ARMC3: variants seen among roughly 807,000 people sequenced by gnomAD.
ARMC3 encodes the protein armadillo repeat containing 3.
ARMC3 carries 74 observed loss-of-function variants against 90.3 expected under a neutral mutation model. That is an observed-to-expected ratio of 0.82 (90% CI 0.68 to 0.99). The LOEUF is 0.99. ARMC3 is among the 50% of genes least tolerant of loss of function. The probability of loss-of-function intolerance (pLI) is 0.00; values close to 1 mark genes in which losing one functional copy is unlikely to be tolerated. For missense variants in ARMC3, 958 were observed against 1,042.8 expected (o/e 0.92, Z 1.12); for synonymous variants, 334 against 361.8 (o/e 0.92, Z 0.87).
chr10:22,950,510 T>G (rs894425483), intron 3 of ARMC3, among the ~76,000 whole-genome samples: 2 of 150,808 alleles, frequency 1.3e-5, no homozygotes, highest in African/African-American at 4.9e-5. Context: ...ATGAAAGAAA[T>G]AAAATGGAAT....
chr10:22,990,494 A>G (rs975186724), intron 10 of ARMC3, among the ~76,000 whole-genome samples: 4 of 152,208 alleles, frequency 2.6e-5, no homozygotes, highest in Non-Finnish European at 5.9e-5. Context: ...GAATGTTAAG[A>G]GGATGATGAT....
At chr10:23,015,482 A>G (rs532731647) in intron 16 of ARMC3, among the ~76,000 whole-genome samples, 1 of 152,290 alleles carries the variant, frequency 6.6e-6, no homozygotes, top group South Asian at 2.1e-4. Context: ...TTCTGTCTAC[A>G]CTGTTCTTTT....
chr10:23,002,261 G>GA lies in ARMC3; in HGVS notation c.1562+212dup, dbSNP rs551714618. ...GATTCACCGCTCCCTCACTGCCCTT[G>GA]AAAAAATCACCTTCAGTATTTTCTT... On this transcript the variant is annotated intron_variant, in intron 12 of 18. Transcript: ENST00000298032. Among the ~76,000 whole-genome samples, 381 of 152,260 alleles carry GA rather than the reference G, an allele frequency of 2.5e-3. 1 individual carries two copies. The highest frequency in any genetic ancestry group is 8.9e-3 in the African/African-American group (368 of 41,560).
intron 7 of ARMC3, among the ~76,000 whole-genome samples, chr10:22,962,835 G>A (rs574666904): frequency 1.3e-5 from 2 of 152,236 alleles, no homozygotes; most frequent in Admixed American, 1.3e-4. Context: ...ACAACACTGG[G>A]AAAATGAAGT....
chr10:23,023,721 G>T (rs1231455459), intron 16 of ARMC3, among the ~76,000 whole-genome samples: 2 of 151,946 alleles, frequency 1.3e-5, no homozygotes, highest in African/African-American at 2.4e-5. Flanking sequence ...TCACTGGAAG[G>T]ATACAATAAT....
rs139999984 is a variant in ARMC3, at chr10:23,008,278, C to T, written c.1832C>T (p.Ser611Phe). ...ATTTTAAATGTGTAAAATTTTAGTT[C>T]TCCACCTTCATCTATGGAAGATAAA... Reference protein sequence around the residue: ...VLLINSKSYVSPPSSMEDKSD... With the variant: ...VLLINSKSYVFPPSSMEDKSD... The change falls in exon 15 of 19, where the codon TCT (serine) becomes TTT (phenylalanine). Residue 611 changes from serine to phenylalanine, a missense_variant and splice_region_variant. Coordinates refer to ENST00000298032, the MANE Select transcript of ARMC3 (RefSeq NM_173081.5). 12 of 1,487,156 alleles carry T rather than the reference C, an allele frequency of 8.1e-6. No homozygotes were observed. Among genetic ancestry groups the T allele is most frequent in the Non-Finnish European group, 1.1e-5 (12 of 1,095,230 alleles). 92.1% of individuals were successfully genotyped at this position (1,487,156 alleles called of 1,614,324 possible).
chr10:22,985,415 T>C (rs1211967257), intron 10 of ARMC3, among the ~76,000 whole-genome samples: 1 of 152,164 alleles, frequency 6.6e-6, no homozygotes, highest in Admixed American at 6.5e-5. Context: ...TTCTGAGAGC[T>C]GTCAGTTTTT....
intron 18 of ARMC3, among the ~76,000 whole-genome samples, chr10:23,036,304 T>G (rs1404896944): frequency 6.6e-6 from 1 of 152,192 alleles, no homozygotes; most frequent in Non-Finnish European, 1.5e-5. Context: ...TAACCATGTC[T>G]TAATCATCAT....
chr10:22,988,494 G>T lies in ARMC3; in HGVS notation c.1175+6794G>T, dbSNP rs1836560598. Reference sequence around the variant, plus strand: ...AATTTCTCTCCCATTCAGTAAAGTTGGTGGGAAGATAATGTATTGTGTATT... The same window carrying T: ...AATTTCTCTCCCATTCAGTAAAGTTTGTGGGAAGATAATGTATTGTGTATT... On this transcript the variant is annotated intron_variant, in intron 10 of 18. Coordinates refer to ENST00000298032, the MANE Select transcript of ARMC3 (RefSeq NM_173081.5). 2.6e-5 allele frequency among the ~76,000 whole-genome samples: 4 copies of T among 152,098 alleles called. No homozygotes were observed. In the South Asian group the frequency reaches 8.3e-4, roughly 31 times the overall value.
chr10:23,017,492 T>C (rs1009967986), intron 16 of ARMC3, among the ~76,000 whole-genome samples: 2 of 152,182 alleles, frequency 1.3e-5, no homozygotes, highest in African/African-American at 4.8e-5. Context: ...TGACCGGGCA[T>C]GGTGGCTCAC....
intron 12 of ARMC3, among the ~76,000 whole-genome samples, chr10:23,002,999 A>C (rs560344220): frequency 6.6e-6 from 1 of 152,362 alleles, no homozygotes; most frequent in African/African-American, 2.4e-5. Flanking sequence ...TAGATGAACA[A>C]AGAACTTTTT....
chr10:22,973,296 A>ATAG (rs1403147632), intron 8 of ARMC3, among the ~76,000 whole-genome samples: 1 of 79,440 alleles, frequency 1.3e-5, no homozygotes, highest in Non-Finnish European at 2.4e-5. Context: ...AAGACCCTTA[A>ATAG]TAATAATAAT....
chr10:23,018,349 T>C (rs1184019914), intron 16 of ARMC3, among the ~76,000 whole-genome samples: 1 of 151,974 alleles, frequency 6.6e-6, no homozygotes, highest in African/African-American at 2.4e-5. Flanking sequence ...GAAACTTAGG[T>C]TCTCATTTCG....
intron 2 of ARMC3, among the ~76,000 whole-genome samples, chr10:22,945,442 A>G (rs1406347062): frequency 1.3e-5 from 2 of 152,222 alleles, no homozygotes; most frequent in Non-Finnish European, 2.9e-5. Context: ...TCAATTATGC[A>G]TTTCAATAAC....
chr10:22,958,342 T>C (rs1835039498), intron 4 of ARMC3, among the ~76,000 whole-genome samples: 1 of 152,180 alleles, frequency 6.6e-6, no homozygotes, highest in Non-Finnish European at 1.5e-5. Context: ...TCAAGATGTA[T>C]TAATTAAAAT....
chr10:23,006,080 G>A (rs1344331639), intron 13 of ARMC3, among the ~76,000 whole-genome samples: 1 of 152,132 alleles, frequency 6.6e-6, no homozygotes, highest in East Asian at 1.9e-4. Flanking sequence ...ATCTGGGGCT[G>A]GGGGAAGTCC....
chr10:23,018,657 C>T lies in ARMC3; in HGVS notation c.2045+9726C>T, dbSNP rs1838385006. 2.6e-5 allele frequency among the ~76,000 whole-genome samples: 4 copies of T among 151,902 alleles called. No homozygotes were observed. In the South Asian group the frequency reaches 8.3e-4, roughly 32 times the overall value. ...TTAGCCTCCCGAGTAGCTGGGACTA[C>T]AGGTGCCTGCCACCACACCTGGCTA... On this transcript the variant is annotated intron_variant, in intron 16 of 18. Transcript: ENST00000298032.
At chr10:23,032,342 T>C (rs2131570473) in intron 17 of ARMC3, among the ~76,000 whole-genome samples, 1 of 152,184 alleles carries the variant, frequency 6.6e-6, no homozygotes, top group East Asian at 1.9e-4. Flanking sequence ...ACCATGTCTT[T>C]CTCTAAATTA....
intron 16 of ARMC3, among the ~76,000 whole-genome samples, chr10:23,022,044 T>C (rs1026616542): frequency 6.6e-6 from 1 of 152,200 alleles, no homozygotes; most frequent in Non-Finnish European, 1.5e-5. Flanking sequence ...CCCTGCTTCT[T>C]GGTGAATGCC....
Sources: allele counts gnomAD v4.1 joint callset (sites outside exome capture counted in the v4.1 genomes callset), GRCh38; gene constraint gnomAD v4.1.1; transcripts MANE v1.5; gene names NCBI Gene and HGNC (gene_info 2026-07-23, HGNC 2026-07-21).